CARS1: variants seen among roughly 807,000 people sequenced by gnomAD.
CARS1 encodes the protein cysteinyl-tRNA synthetase 1.
A neutral mutation model predicts 106.2 loss-of-function variants in CARS1; 48 were observed. The ratio of observed to expected loss-of-function variants is 0.45; its 90% CI spans 0.36 to 0.57. The LOEUF is 0.57. Ranked by LOEUF, CARS1 falls within the 20% of genes least tolerant of loss-of-function variation. The pLI is 0.00. For synonymous variants in CARS1, 409 were observed against 403.4 expected (o/e 1.01, Z -0.17); for missense variants, 968 against 1,057.2 (o/e 0.92, Z 1.17).
chr11:3,005,743 G>A (rs948972583), intron 19 of CARS1, among the ~76,000 whole-genome samples: 5 of 150,370 alleles, frequency 3.3e-5, no homozygotes, highest in African/African-American at 1.2e-4. Context: ...AGCAATTCTC[G>A]TGTCTCAGCT....
At chr11:3,009,793 G>C (rs1462349089) in intron 18 of CARS1, among the ~76,000 whole-genome samples, 1 of 152,204 alleles carries the variant, frequency 6.6e-6, no homozygotes, top group Non-Finnish European at 1.5e-5. Flanking sequence ...CCTGGGCCAA[G>C]CAGATCCCAG....
At chr11:3,056,000 C>T (rs1856167004) in intron 1 of CARS1, among the ~76,000 whole-genome samples, 1 of 152,134 alleles carries the variant, frequency 6.6e-6, no homozygotes, top group South Asian at 2.1e-4. Context: ...TGGGTGACTT[C>T]TGAGGGCCGC....
Position 3,017,928 on chromosome 11 carries a change from G to C in CARS1, c.1656C>G (p.Ile552Met). ...CAGTGATGTCAACAGGAGCGCGAAG[G>C]ATATCTTTCACATTTAAGAAAAACT... ...LNEFFLNVKD[I>M]LRAPVDITGQ... The change falls in exon 15 of 23, where the codon ATC becomes ATG. Residue 552 changes from isoleucine to methionine, a missense_variant. Coordinates refer to ENST00000380525, the MANE Select transcript of CARS1 (RefSeq NM_001014437.3). The surrounding 1 kb of genome is among the most constrained non-coding windows in gnomAD (Gnocchi z 4.9). The C allele has an allele frequency of 1.2e-6, 2 of 1,613,596 alleles. No homozygotes were observed. Among genetic ancestry groups the C allele is most frequent in the Non-Finnish European group, 1.7e-6 (2 of 1,179,664 alleles).
At position 3,037,309 on chromosome 11, in the gene CARS1, A is replaced by T. The variant is rs115487599; in HGVS notation, c.801+741T>A. Among the ~76,000 whole-genome samples, 954 of 152,386 alleles carry T rather than the reference A, an allele frequency of 6.3e-3. 5 individuals carry two copies. The highest frequency in any genetic ancestry group is 0.022 in the African/African-American group (909 of 41,598). On this transcript the variant is annotated intron_variant, in intron 7 of 22. Coordinates refer to ENST00000380525, the MANE Select transcript of CARS1 (RefSeq NM_001014437.3). The surrounding 1 kb of genome is among the most constrained non-coding windows in gnomAD (Gnocchi z 5.9). Reference sequence around the variant, plus strand: ...AAACTAGAAAGAAACATGCTGGCGAAGGGCAGACACAGACTCCCTGCCCCA... The same window carrying T: ...AAACTAGAAAGAAACATGCTGGCGATGGGCAGACACAGACTCCCTGCCCCA...
intron 1 of CARS1, among the ~76,000 whole-genome samples, chr11:3,055,265 A>T (rs1361182223): frequency 6.6e-6 from 1 of 151,948 alleles, no homozygotes. Context: ...GGTTCACATC[A>T]TTCTCCGGCC....
At chr11:3,002,124 T>C (rs1056361665) in intron 21 of CARS1, 71 bp from the exon 22 acceptor site, 8 of 993,774 alleles carry the variant, frequency 8.1e-6, no homozygotes, top group Non-Finnish European at 1.3e-5. Flanking sequence ...GAACGACATC[T>C]GCTCATACCT....
chr11:3,054,830 G>A, intron 1 of CARS1: 1 of 699,536 alleles, frequency 1.4e-6, no homozygotes, highest in Non-Finnish European at 2.6e-6. Flanking sequence ...GTGTTATTAT[G>A]AAGACCCTTG....
At chr11:3,032,040 C>CTCCCTCCCTCCCTCCCTCCCTCCT (rs1268477229) in intron 7 of CARS1, among the ~76,000 whole-genome samples, 1 of 19,408 alleles carries the variant, frequency 5.2e-5, no homozygotes, top group Non-Finnish European at 1.2e-4. Flanking sequence ...CCCTCCCTCC[C>CTCCCTCCCTCCCTCCCTCCCTCCT]TCCCTCCCTC....
rs143048715 is a variant in CARS1, at chr11:3,019,924, T to C, written c.1266+296A>G. Among the ~76,000 whole-genome samples the C allele has an allele frequency of 1.3e-3, 203 of 152,276 alleles. No individual in the cohort carries two copies. Among genetic ancestry groups the C allele is most frequent in the African/African-American group, 4.6e-3 (192 of 41,552 alleles). ...TCCTACACCCTGGGGCCTGGAATAC[T>C]CAGAGTCACAGAACACAAGAACCAA... On this transcript the variant is annotated intron_variant, in intron 11 of 22. Transcript: ENST00000380525. This position sits in a 1 kb window ranked among gnomAD's most constrained non-coding sequence, Gnocchi z 6.2.
In CARS1 at chr11:3,028,316, G is replaced by A. The variant is rs190261456; in HGVS notation, c.1031+680C>T. On this transcript the variant is annotated intron_variant, in intron 9 of 22. Coordinates refer to ENST00000380525, the MANE Select transcript of CARS1 (RefSeq NM_001014437.3). This position sits in a 1 kb window ranked among gnomAD's most constrained non-coding sequence, Gnocchi z 4.4. ...GCATTCGGGGCCACTACCGGTCTCC[G>A]CGTCTTGGTGGTAGTGGTCCCCCGG... 2.8e-4 allele frequency: 148 copies of A among 533,712 alleles called. No homozygotes were observed. The East Asian group carries it at 5.0e-3, about 18-fold the overall frequency. The allele number at this position is 533,712 out of a possible 1,614,324, so 33.1% of individuals were successfully genotyped here. A position where few individuals can be genotyped will look rare whatever the true frequency, so the allele number is the denominator to read the frequency against.
In CARS1 at chr11:3,001,061, G is replaced by GCAGA; in HGVS notation, c.*49_*52dup. The GCAGA allele has an allele frequency of 5.6e-6, 9 of 1,597,936 alleles. No individual in the cohort carries two copies. The highest frequency in any genetic ancestry group is 7.7e-6 in the Non-Finnish European group (9 of 1,168,084). The stretch of plus-strand genomic sequence containing the variant: ...GGAGCGCTGGGACATTGTCACTGAG[G>GCAGA]CAGACAGCAGCCACTAGTCCACAAT... On this transcript the variant is annotated 3_prime_UTR_variant, in exon 23 of 23. Coordinates refer to ENST00000380525, the MANE Select transcript of CARS1 (RefSeq NM_001014437.3).
At position 3,038,182 on chromosome 11, in the gene CARS1, T is replaced by C; in HGVS notation, c.669A>G (p.Leu223=). The change falls in exon 7 of 23, where the codon TTA becomes TTG. Residue 223 remains leucine (L), a synonymous_variant. Coordinates refer to ENST00000380525, the MANE Select transcript of CARS1 (RefSeq NM_001014437.3). This position sits in a 1 kb window ranked among gnomAD's most constrained non-coding sequence, Gnocchi z 4.0. ...QAALKPFSVK[L]NETTDPDKKQ... ...TTTTATCGGGATCCGTGGTCTCATT[T>C]AATTTTACTGAAAATGGCTGCAACC... 1.2e-6 allele frequency: 2 copies of C among 1,614,054 alleles called. No homozygotes were observed. Among genetic ancestry groups the C allele is most frequent in the South Asian group, 2.2e-5 (2 of 91,088 alleles).
Position 3,029,173 on chromosome 11 carries a change from C to T in CARS1, c.943-89G>A. 1.4e-6 allele frequency: 2 copies of T among 1,409,010 alleles called. No individual in the cohort carries two copies. Among genetic ancestry groups the T allele is most frequent in the Non-Finnish European group, 2.0e-6 (2 of 996,584 alleles). 87.3% of individuals were successfully genotyped at this position (1,409,010 alleles called of 1,614,324 possible). On this transcript the variant is annotated intron_variant, in intron 8 of 22. Transcript: ENST00000380525. The surrounding 1 kb of genome is among the most constrained non-coding windows in gnomAD (Gnocchi z 5.9). The stretch of plus-strand genomic sequence containing the variant: ...GTTCCCAATTCATAAAACGAAAAGC[C>T]CATTATGCCCCTCAACTCAAGTTCA...
rs1304689174 is a variant in CARS1 at position 3,017,561 on chromosome 11, C to T, written c.1728-266G>A. On this transcript the variant is annotated intron_variant, in intron 15 of 22. Coordinates refer to ENST00000380525, the MANE Select transcript of CARS1 (RefSeq NM_001014437.3). The surrounding 1 kb of genome is among the most constrained non-coding windows in gnomAD (Gnocchi z 4.9). ...GGGAGGCTGAGGCAGGAGAATCGCT[C>T]GAACCCGGGAGGTGGAGGTTGTGGT... The T allele has an allele frequency of 2.0e-5, 11 of 550,888 alleles. No homozygotes were observed. Among genetic ancestry groups the T allele is most frequent in the Admixed American group, 6.4e-5 (2 of 31,210 alleles). The allele number at this position is 550,888 out of a possible 1,614,324, so 34.1% of individuals were successfully genotyped here.
chr11:3,013,953 A>G (rs950533846), intron 17 of CARS1, among the ~76,000 whole-genome samples: 7 of 152,238 alleles, frequency 4.6e-5, no homozygotes, highest in Non-Finnish European at 8.8e-5. Context: ...TCTGTCTCAA[A>G]AACAGAAACA....
rs1274254768 is a variant in CARS1, at chr11:3,037,121, C to T, written c.801+929G>A. On this transcript the variant is annotated intron_variant, in intron 7 of 22. Coordinates refer to ENST00000380525, the MANE Select transcript of CARS1 (RefSeq NM_001014437.3). The surrounding 1 kb of genome is among the most constrained non-coding windows in gnomAD (Gnocchi z 5.9). The stretch of plus-strand genomic sequence containing the variant: ...AGGAGAACAGACAAACAGCTCGGCT[C>T]CCAGGCAGGCACTGAGGCAGTGACA... Among the ~76,000 whole-genome samples, 2 of 152,196 alleles carry T rather than the reference C, an allele frequency of 1.3e-5. No homozygotes were observed. The highest frequency in any genetic ancestry group is 1.9e-4 in the East Asian group (1 of 5,200).
intron 3 of CARS1, 96 bp downstream of exon 3, chr11:3,042,069 G>C: frequency 1.2e-6 from 1 of 840,634 alleles, no homozygotes; most frequent in Non-Finnish European, 1.9e-6. Context: ...CCAACACAAG[G>C]AACAGAGAAG....
rs1346724442 is a variant in CARS1 at position 3,008,120 on chromosome 11, T to G, written c.2069-1161A>C. The G allele has an allele frequency of 6.6e-6, 1 of 151,310 alleles. No homozygotes were observed. The highest frequency in any genetic ancestry group is 2.4e-5 in the African/African-American group (1 of 41,398). The allele number at this position is 151,310 out of a possible 1,614,324, so 9.4% of individuals were successfully genotyped here. On this transcript the variant is annotated intron_variant, in intron 18 of 22. Transcript: ENST00000380525. The surrounding 1 kb of genome is among the most constrained non-coding windows in gnomAD (Gnocchi z 5.1). ...GGCCCCTCAGCTTGCTGCGCCCAAC[T>G]GTGCTAGGCGGGCAGGTGCCCTGCC...
rs867387449 is a variant in CARS1 at position 3,042,192 on chromosome 11, G to C, written c.339C>G (p.His113Gln). The C allele has an allele frequency of 6.2e-7, 1 of 1,613,950 alleles. No individual in the cohort carries two copies. Among genetic ancestry groups the C allele is most frequent in the South Asian group, 1.1e-5 (1 of 91,082 alleles). The change falls in exon 3 of 23, where the codon CAC becomes CAG. Residue 113 changes from histidine to glutamine, a missense_variant. Transcript: ENST00000380525. ...TGTTCCTGGTGAGGCTGTTGTAAAG[G>C]TGGAGTCTGCATGGCTGGGTCCCAG... Reference protein sequence around the residue: ...PPAGTQPCRLHLYNSLTRNKE... With the variant: ...PPAGTQPCRLQLYNSLTRNKE...
Sources: gnomAD v4.1 joint callset for allele counts (sites outside exome capture counted in the v4.1 genomes callset) on GRCh38, gnomAD v4.1.1 for gene constraint, Gnocchi (gnomAD v3.1) non-coding constraint, MANE v1.5 for transcripts, NCBI Gene and HGNC (gene_info 2026-07-23, HGNC 2026-07-21) for gene names.